The following ERICH3 variants were observed in gnomAD, a reference collection of about 807,000 sequenced individuals.
ERICH3 encodes the protein glutamate rich 3.
ERICH3 carries 126 observed loss-of-function variants against 131.1 expected under a neutral mutation model. That is an observed-to-expected ratio of 0.96 (90% CI 0.83 to 1.11). ERICH3 has a LOEUF of 1.11. Among genes scored for constraint, ERICH3 ranks in the 50% most tolerant of loss-of-function variants. The pLI, the probability that ERICH3 is intolerant of heterozygous loss-of-function variation, is 0.00. For synonymous variants in ERICH3, 695 were observed against 644.6 expected, an observed-to-expected ratio of 1.08 and a Z score of -1.18; for missense variants, 2,050 against 1,810.7, an observed-to-expected ratio of 1.13 and a Z score of -2.40.
Position 74,572,016 on chromosome 1 carries a change from C to T in ERICH3, c.3694G>A (p.Gly1232Arg). 1 of 1,614,124 alleles carries T rather than the reference C, an allele frequency of 6.2e-7. No individual in the cohort carries two copies. The highest frequency in any genetic ancestry group is 8.5e-7 in the Non-Finnish European group (1 of 1,180,032). ...EPAGKVQAPE[G>R]LIPATGQAEE... is the part of the protein sequence containing the mutation. ...GCCTGGCCTGTGGCTGGGATCAGCC[C>T]CTCAGGGGCCTGCACCTTTCCTGCT... is the stretch of plus-strand genomic sequence containing the variant. The change falls in exon 14 of 15, where the codon GGG (glycine) becomes AGG (arginine). Residue 1232 changes from glycine (G) to arginine (R), a missense_variant. By Grantham distance (125) the Gly-to-Arg change is moderately radical (BLOSUM62 -2). Transcript: ENST00000326665.
At position 74,586,754 on chromosome 1, in the gene ERICH3, G is replaced by T. The variant is rs943450188; in HGVS notation, c.2176+2877C>A. Among the ~76,000 whole-genome samples the T allele has an allele frequency of 3.3e-5, 5 of 151,952 alleles. No homozygotes were observed. The South Asian group carries it at 8.3e-4, about 25-fold the overall frequency. ...AAACCACAGAATGGCATAACACACAGAGATTAAATATGTTCATAAAGATTA... is the reference window on the plus strand; with the variant it reads ...AAACCACAGAATGGCATAACACACATAGATTAAATATGTTCATAAAGATTA... On this transcript the variant is annotated intron_variant, in intron 12 of 14. Coordinates refer to ENST00000326665, the MANE Select transcript of ERICH3 (RefSeq NM_001002912.5).
chr1:74,665,670 G>T (rs1383942275), intron 1 of ERICH3, among the ~76,000 whole-genome samples: 1 of 152,136 alleles, frequency 6.6e-6, no homozygotes, highest in African/African-American at 2.4e-5. Context: ...TTGGTTTGCA[G>T]ATGGCCATGT....
chr1:74,639,679 A>C (rs1646420670), intron 5 of ERICH3, among the ~76,000 whole-genome samples: 1 of 152,298 alleles, frequency 6.6e-6, no homozygotes, highest in African/African-American at 2.4e-5. Context: ...ATTAGCTGAA[A>C]TGATTTTCCA....
At chr1:74,599,609 G>A in intron 11 of ERICH3, 86 bp downstream of exon 11, 1 of 1,119,718 alleles carries the variant, frequency 8.9e-7, no homozygotes, top group South Asian at 1.6e-5. Context: ...AAAAAAAGAG[G>A]ATTATCTCAT....
intron 11 of ERICH3, among the ~76,000 whole-genome samples, chr1:74,596,072 T>G (rs1647832511): frequency 6.6e-6 from 1 of 152,090 alleles, no homozygotes; most frequent in Non-Finnish European, 1.5e-5. Flanking sequence ...AAGGGTGAGA[T>G]TCTTAAAATC....
chr1:74,659,619 G>C (rs146841481), intron 1 of ERICH3, among the ~76,000 whole-genome samples: 2 of 152,188 alleles, frequency 1.3e-5, no homozygotes, highest in Non-Finnish European at 2.9e-5. Flanking sequence ...TGAAAGAATG[G>C]TAGTGAAGTA....
intron 6 of ERICH3, chr1:74,634,890 A>G: frequency 2.2e-6 from 1 of 449,616 alleles, no homozygotes; most frequent in Non-Finnish European, 3.9e-6. Flanking sequence ...ATTCTATTAC[A>G]CTATCTCCCC....
At chr1:74,598,770 G>C (rs1269637934) in intron 11 of ERICH3, among the ~76,000 whole-genome samples, 1 of 151,986 alleles carries the variant, frequency 6.6e-6, no homozygotes, top group South Asian at 2.1e-4. Context: ...AGGTGAGTGG[G>C]TGTATCACAA....
At chr1:74,624,466 TTCTC>T (rs1649346916) in intron 7 of ERICH3, 1 of 152,344 alleles carries the variant, frequency 6.6e-6, no homozygotes, top group Non-Finnish European at 1.5e-5. Context: ...TCTCTTCTCT[TTCTC>T]TCTGGTTTTG....
chr1:74,573,134 A>T lies in ERICH3; in HGVS notation c.2576T>A (p.Ile859Lys). The T allele has an allele frequency of 2.5e-6, 4 of 1,613,580 alleles. No individual in the cohort carries two copies. The highest frequency in any genetic ancestry group is 2.5e-6 in the Non-Finnish European group (3 of 1,179,764). Residue 859 changes from isoleucine to lysine, a missense_variant, in exon 14 of 15, where the codon ATA becomes AAA. Transcript: ENST00000326665. ...RRLGEGGSDPIGQAAAKDAVG... is the reference protein window; with the variant it reads ...RRLGEGGSDPKGQAAAKDAVG... ...AGCATCTTTTGCTGCTGCTTGTCCT[A>T]TGGGGTCTGACCCCCCTTCACCCAG... is the stretch of plus-strand genomic sequence containing the variant.
At chr1:74,577,178 A>C in intron 12 of ERICH3, 1 of 387,690 alleles carries the variant, frequency 2.6e-6, no homozygotes, top group Admixed American at 4.2e-5. Context: ...TTTATACCTG[A>C]TGTTAGCTGT....
chr1:74,599,792 C>G lies in ERICH3; in HGVS notation c.1629G>C (p.Glu543Asp). The change falls in exon 11 of 15, where the codon GAG becomes GAC. Residue 543 changes from glutamate (E) to aspartate (D), a missense_variant. Glu to Asp is a conservative substitution (Grantham distance 45). Coordinates refer to ENST00000326665, the MANE Select transcript of ERICH3 (RefSeq NM_001002912.5). ...GTGCCTTCTGTGATGAGGTTTCACT[C>G]TCTTTTTCAGGGTCTAAATTATCTT... ...DKKDNLDPEK[E>D]SETSSQKAPD... 1 of 1,612,508 alleles carries G rather than the reference C, an allele frequency of 6.2e-7. No individual in the cohort carries two copies. Among genetic ancestry groups the G allele is most frequent in the African/African-American group, 1.3e-5 (1 of 74,902 alleles).
intron 1 of ERICH3, among the ~76,000 whole-genome samples, chr1:74,667,862 G>A (rs1345013303): frequency 6.6e-6 from 1 of 152,128 alleles, no homozygotes; most frequent in Non-Finnish European, 1.5e-5. Flanking sequence ...ATCCCCACAT[G>A]TTGAGGGAGG....
intron 9 of ERICH3, among the ~76,000 whole-genome samples, chr1:74,609,705 A>G (rs1050451727): frequency 6.6e-6 from 1 of 152,106 alleles, no homozygotes; most frequent in Non-Finnish European, 1.5e-5. Context: ...GGGCATTCAC[A>G]GATTTCATTG....
intron 1 of ERICH3, among the ~76,000 whole-genome samples, chr1:74,657,198 G>A (rs1002334584): frequency 8.5e-5 from 13 of 152,056 alleles, no homozygotes; most frequent in Admixed American, 3.3e-4. Context: ...ATGAGTGATC[G>A]TACTAACAAT....
Position 74,590,398 on chromosome 1 carries a change from G to T in ERICH3, c.1727-318C>A, listed in dbSNP as rs566798312. 3.3e-5 allele frequency among the ~76,000 whole-genome samples: 5 copies of T among 152,222 alleles called. No homozygotes were observed. In the South Asian group the frequency reaches 1.0e-3, roughly 32 times the overall value. On this transcript the variant is annotated intron_variant, in intron 11 of 14. Coordinates refer to ENST00000326665, the MANE Select transcript of ERICH3 (RefSeq NM_001002912.5). ...TATATAATGAAGTAATTATACAACTGACAATAATATAGAATCAGTGGGAGC... is the reference window on the plus strand; with the variant it reads ...TATATAATGAAGTAATTATACAACTTACAATAATATAGAATCAGTGGGAGC...
intron 1 of ERICH3, among the ~76,000 whole-genome samples, chr1:74,656,715 C>G (rs1039830490): frequency 3.3e-5 from 5 of 152,180 alleles, no homozygotes; most frequent in African/African-American, 1.2e-4. Flanking sequence ...TAGAATCTGG[C>G]AAACTCCCTC....
chr1:74,622,151 T>A (rs1318311670), intron 7 of ERICH3: 3 of 152,220 alleles, frequency 2.0e-5, no homozygotes, highest in African/African-American at 7.2e-5. Context: ...AGATGATTTC[T>A]TTTCCATTTC....
Position 74,616,575 on chromosome 1 carries a change from G to A in ERICH3, c.1001-3766C>T, listed in dbSNP as rs183413197. On this transcript the variant is annotated intron_variant, in intron 8 of 14. Coordinates refer to ENST00000326665, the MANE Select transcript of ERICH3 (RefSeq NM_001002912.5). ...AAAAGTTGGAGCATACTTGAAAATT[G>A]CCCACAGTTTGAATGTACCCCTGAA... 1.7e-3 allele frequency among the ~76,000 whole-genome samples: 256 copies of A among 152,080 alleles called. 2 individuals are homozygous for A. The highest frequency in any genetic ancestry group is 5.8e-3 in the African/African-American group (239 of 41,480).
Sources: gnomAD v4.1 joint callset for allele counts (sites outside exome capture counted in the v4.1 genomes callset) on GRCh38, gnomAD v4.1.1 for gene constraint, MANE v1.5 for transcripts, NCBI Gene and HGNC (gene_info 2026-07-23, HGNC 2026-07-21) for gene names.